The following ZNF474 variants were observed in gnomAD, a reference collection of about 807,000 sequenced individuals.
ZNF474 encodes the protein zinc finger protein 474.
For missense variants in ZNF474, 511 were observed against 433.8 expected, an observed-to-expected ratio of 1.18 and a Z score of -1.58; for synonymous variants, 192 against 162.2, an observed-to-expected ratio of 1.18 and a Z score of -1.39.
At chr5:122,149,531 C>G (rs1756107072) in intron 1 of ZNF474, among the ~76,000 whole-genome samples, 1 of 152,158 alleles carries the variant, frequency 6.6e-6, no homozygotes, top group Non-Finnish European at 1.5e-5. Flanking sequence ...AGGGAAGAAG[C>G]TCTGCTGGAG....
At position 122,135,264 on chromosome 5, in the gene ZNF474, G is replaced by A. The variant is rs376002297; in HGVS notation, c.-213+5581G>A. Among the ~76,000 whole-genome samples the A allele has an allele frequency of 4.6e-4, 70 of 152,308 alleles. 2 individuals carry two copies. The South Asian group carries it at 1.0e-2, about 22-fold the overall frequency. On this transcript the variant is annotated intron_variant, in intron 1 of 1. Transcript: ENST00000296600. ...GTGGGAGGATCACTTGAGGCCGTAA[G>A]TTAGAGACCAGCCTGGGCAACATAT...
intron 1 of ZNF474, among the ~76,000 whole-genome samples, chr5:122,141,386 G>A (rs1755843060): frequency 7.3e-6 from 1 of 137,248 alleles, no homozygotes; most frequent in Admixed American, 8.4e-5. Flanking sequence ...TTGACTCACT[G>A]CAACCTCTGT....
At chr5:122,136,060 C>T (rs763475422) in intron 1 of ZNF474, among the ~76,000 whole-genome samples, 33 of 152,022 alleles carry the variant, frequency 2.2e-4, no homozygotes, top group Middle Eastern at 3.4e-3. Flanking sequence ...GGGAATAAGA[C>T]GTAATGTTCA....
chr5:122,130,322 T>G lies in ZNF474; in HGVS notation c.-213+639T>G, dbSNP rs1406948639. ...GGGACATTTATTTCACCCTGGAATG[T>G]TTCCTCACATCCTTTCCAGCCAATC... is the stretch of plus-strand genomic sequence containing the variant. On this transcript the variant is annotated intron_variant, in intron 1 of 1. Coordinates refer to ENST00000296600, the MANE Select transcript of ZNF474 (RefSeq NM_207317.3). Among the ~76,000 whole-genome samples the G allele has an allele frequency of 6.6e-5, 10 of 152,288 alleles. No individual in the cohort carries two copies. In the South Asian group the frequency reaches 1.2e-3, roughly 19 times the overall value.
At chr5:122,143,828 T>C (rs1272411544) in intron 1 of ZNF474, among the ~76,000 whole-genome samples, 2 of 152,274 alleles carry the variant, frequency 1.3e-5, no homozygotes, top group Non-Finnish European at 2.9e-5. Context: ...TGGGGAGTCA[T>C]TTAATGGTGA....
chr5:122,133,037 A>G (rs1163526818), intron 1 of ZNF474, among the ~76,000 whole-genome samples: 1 of 152,328 alleles, frequency 6.6e-6, no homozygotes, highest in South Asian at 2.1e-4. Flanking sequence ...CCCAGGCAGC[A>G]ACCTTATTTT....
chr5:122,143,741 A>G (rs764011492), intron 1 of ZNF474, among the ~76,000 whole-genome samples: 2 of 152,180 alleles, frequency 1.3e-5, no homozygotes, highest in Admixed American at 6.5e-5. Context: ...ACTATGGTCT[A>G]TATTGCTAAT....
intron 1 of ZNF474, among the ~76,000 whole-genome samples, chr5:122,131,590 T>C (rs1196313276): frequency 1.3e-5 from 2 of 152,012 alleles, no homozygotes; most frequent in African/African-American, 4.8e-5. Context: ...CTCACTTATA[T>C]GTGGGGAAAA....
chr5:122,131,616 C>A (rs962979858), intron 1 of ZNF474, among the ~76,000 whole-genome samples: 4 of 151,878 alleles, frequency 2.6e-5, no homozygotes, highest in African/African-American at 9.7e-5. Context: ...GAAGCCTGCA[C>A]AAGTCTTATT....
rs376103585 is a variant in ZNF474, at chr5:122,131,338, A to G, written c.-213+1655A>G. ...TATATCCAAAGAAAATGAAATTAGTATATTAAAGAGATATCTACACTTCCT... is the reference window on the plus strand; with the variant it reads ...TATATCCAAAGAAAATGAAATTAGTGTATTAAAGAGATATCTACACTTCCT... On this transcript the variant is annotated intron_variant, in intron 1 of 1. Coordinates refer to ENST00000296600, the MANE Select transcript of ZNF474 (RefSeq NM_207317.3). 4.7e-4 allele frequency among the ~76,000 whole-genome samples: 71 copies of G among 151,600 alleles called. 1 individual carries two copies. In the South Asian group the frequency reaches 0.01, roughly 22 times the overall value.
Position 122,152,368 on chromosome 5 carries a change from G to T in ZNF474, c.378G>T (p.Lys126Asn), listed in dbSNP as rs1008325640. 3 of 1,614,066 alleles carry T rather than the reference G, an allele frequency of 1.9e-6. No homozygotes were observed. The African/African-American group carries it at 4.0e-5, about 22-fold the overall frequency. Residue 126 changes from lysine to asparagine, a missense_variant, in exon 2 of 2, where the codon AAG becomes AAT. Coordinates refer to ENST00000296600, the MANE Select transcript of ZNF474 (RefSeq NM_207317.3). Reference protein sequence around the residue: ...CLQKWHIENSKLPKHLRRPEP... With the variant: ...CLQKWHIENSNLPKHLRRPEP... The stretch of plus-strand genomic sequence containing the variant: ...AGAAGTGGCATATTGAAAACAGCAA[G>T]TTGCCCAAGCATTTGAGGAGGCCAG...
chr5:122,143,574 T>C (rs1288882137), intron 1 of ZNF474, among the ~76,000 whole-genome samples: 1 of 152,206 alleles, frequency 6.6e-6, no homozygotes, highest in Admixed American at 6.5e-5. Flanking sequence ...GGGGCTACTA[T>C]ACTGTTCTTA....
At chr5:122,147,053 G>A (rs1756009788) in intron 1 of ZNF474, among the ~76,000 whole-genome samples, 1 of 152,184 alleles carries the variant, frequency 6.6e-6, no homozygotes. Flanking sequence ...GTCTCTGCCG[G>A]ACATTAGAAG....
chr5:122,139,309 C>G (rs1033674326), intron 1 of ZNF474, among the ~76,000 whole-genome samples: 11 of 152,182 alleles, frequency 7.2e-5, no homozygotes, highest in Admixed American at 3.9e-4. Context: ...CACAGGAATG[C>G]TGTTTTAGCT....
chr5:122,135,632 C>T (rs1481348745), intron 1 of ZNF474, among the ~76,000 whole-genome samples: 2 of 152,120 alleles, frequency 1.3e-5, no homozygotes, highest in Non-Finnish European at 2.9e-5. Flanking sequence ...AGCAAACTAA[C>T]TGCTGGGTAT....
At chr5:122,143,192 G>GA (rs1755895225) in intron 1 of ZNF474, among the ~76,000 whole-genome samples, 1 of 152,126 alleles carries the variant, frequency 6.6e-6, no homozygotes, top group Non-Finnish European at 1.5e-5. Flanking sequence ...GATTCAGTGA[G>GA]CCCATCTCTC....
rs1260743085 is a variant in ZNF474 at position 122,151,289 on chromosome 5, C to T, written c.-212-490C>T. Among the ~76,000 whole-genome samples the T allele has an allele frequency of 3.9e-5, 6 of 152,278 alleles. No homozygotes were observed. In the East Asian group the frequency reaches 1.2e-3, roughly 29 times the overall value. On this transcript the variant is annotated intron_variant, in intron 1 of 1. Coordinates refer to ENST00000296600, the MANE Select transcript of ZNF474 (RefSeq NM_207317.3). ...TATAAAAATACTATTCTGAGAAGTG[C>T]ATAGGCTTCACAGAATTGTCAAAGG...
chr5:122,153,115 A>G lies in ZNF474; in HGVS notation c.*30A>G. The G allele has an allele frequency of 6.3e-7, 1 of 1,576,472 alleles. No homozygotes were observed. Among genetic ancestry groups the G allele is most frequent in the Non-Finnish European group, 8.6e-7 (1 of 1,161,678 alleles). ...ACAAGAGAAAACTATCCCCAGAATC[A>G]GCCACCTCAGCCCCTAGTATTTTTT... is the stretch of plus-strand genomic sequence containing the variant. On this transcript the variant is annotated 3_prime_UTR_variant, in exon 2 of 2. Coordinates refer to ENST00000296600, the MANE Select transcript of ZNF474 (RefSeq NM_207317.3).
intron 1 of ZNF474, among the ~76,000 whole-genome samples, chr5:122,141,775 G>A (rs1379434486): frequency 1.3e-5 from 2 of 152,204 alleles, no homozygotes; most frequent in Non-Finnish European, 2.9e-5. Flanking sequence ...GGCAGTAGGA[G>A]AGAATCTGTT....
Sources: gnomAD v4.1 joint callset for allele counts (sites outside exome capture counted in the v4.1 genomes callset) on GRCh38, gnomAD v4.1.1 for gene constraint, MANE v1.5 for transcripts, NCBI Gene and HGNC (gene_info 2026-07-23, HGNC 2026-07-21) for gene names.